SF3B1: variants seen among roughly 807,000 people sequenced by gnomAD.
SF3B1 encodes the protein splicing factor 3b subunit 1, also known as pre-mRNA processing 10.
A neutral mutation model predicts 153.8 loss-of-function variants in SF3B1; 12 were observed. The observed-to-expected ratio is 0.08, with a 90% CI of 0.05 to 0.13. The LOEUF (loss-of-function observed/expected upper bound fraction) is 0.13. Among genes scored for constraint, SF3B1 ranks in the 10% least tolerant of loss-of-function variants. The pLI is 1.00. For missense variants in SF3B1, 513 were observed against 1,606.1 expected (o/e 0.32, Z 11.63); for synonymous variants, 498 against 525.2 (o/e 0.95, Z 0.71).
intron 4 of SF3B1, 26 bp downstream of exon 4, chr2:197,420,402 C>T (rs758578949): frequency 2.2e-5 from 34 of 1,527,854 alleles, no homozygotes; most frequent in Non-Finnish European, 3.0e-5. Context: ...TTTCTGAATA[C>T]TTATAGAAAA....
At chr2:197,418,090 G>A (rs79587976) in intron 5 of SF3B1, among the ~76,000 whole-genome samples, 3,425 of 151,620 alleles carry the variant, frequency 0.023, 120 homozygotes, top group African/African-American at 0.08. Context: ...ACAAAAATTA[G>A]CTAGGCATGG....
chr2:197,407,712 G>A (rs1300030526), intron 9 of SF3B1, among the ~76,000 whole-genome samples: 1 of 151,838 alleles, frequency 6.6e-6, no homozygotes, highest in Non-Finnish European at 1.5e-5. Context: ...ATCTCAACGA[G>A]CTTATTCCTG....
rs2085190643 is a variant in SF3B1, at chr2:197,418,491, G to GGA, written c.495+16_495+17dup. ...ATATTCTTTCACAACCATTAAAACA[G>GGA]GAGACAGGTTTACATACTTCTTCTT... On this transcript the variant is annotated intron_variant, in intron 5 of 24. Transcript: ENST00000335508. 6.4e-7 allele frequency: 1 copy of GGA among 1,566,416 alleles called. No homozygotes were observed. Among genetic ancestry groups the GGA allele is most frequent in the African/African-American group, 1.4e-5 (1 of 73,640 alleles).
chr2:197,410,017 G>A lies in SF3B1; in HGVS notation c.667-10C>T, dbSNP rs1424478098. On this transcript the variant is annotated splice_polypyrimidine_tract_variant and intron_variant, in intron 6 of 24. Transcript: ENST00000335508. ...GAGTATGCCCAGGGGTCTTAAAAAAGCAAAAAAATTTTATTTCACACACCC... is the reference window on the plus strand; with the variant it reads ...GAGTATGCCCAGGGGTCTTAAAAAAACAAAAAAATTTTATTTCACACACCC... 9 of 1,568,302 alleles carry A rather than the reference G, an allele frequency of 5.7e-6. No individual in the cohort carries two copies. The Admixed American group carries it at 9.7e-5, about 17-fold the overall frequency.
intron 1 of SF3B1, among the ~76,000 whole-genome samples, chr2:197,429,801 T>A (rs999273632): frequency 4.7e-5 from 7 of 150,518 alleles, no homozygotes; most frequent in African/African-American, 1.5e-4. Context: ...AAAAAAAAAA[T>A]TTCCTTCCCA....
In SF3B1 at chr2:197,402,462, T is replaced by C. The variant is rs1009722700; in HGVS notation, c.2077+94A>G. 4 of 1,126,538 alleles carry C rather than the reference T, an allele frequency of 3.6e-6. No individual in the cohort carries two copies. The highest frequency in any genetic ancestry group is 5.0e-6 in the Non-Finnish European group (4 of 796,652). The allele number at this position is 1,126,538 out of a possible 1,614,324, so 69.8% of individuals were successfully genotyped here. A position where few individuals can be genotyped will look rare whatever the true frequency, so the allele number is the denominator to read the frequency against. ...TAAGGAGGCTGAGCAGGAGGATCAC[T>C]TGAGCCCAAAGGTTTGAGTCCAGTC... is the stretch of plus-strand genomic sequence containing the variant. On this transcript the variant is annotated intron_variant, in intron 14 of 24. Transcript: ENST00000335508. The surrounding 1 kb of genome is among the most constrained non-coding windows in gnomAD (Gnocchi z 4.6).
At chr2:197,403,083 A>ATG in intron 12 of SF3B1, 48 bp from the exon 13 acceptor site, 2 of 1,309,592 alleles carry the variant, frequency 1.5e-6, no homozygotes, top group Non-Finnish European at 2.2e-6. Context: ...TCAATTACTG[A>ATG]TGAAATGCTC....
chr2:197,407,976 T>C, intron 9 of SF3B1, 22 bp downstream of exon 9: 1 of 1,603,542 alleles, frequency 6.2e-7, no homozygotes, highest in Non-Finnish European at 8.5e-7. Flanking sequence ...AAATACCACC[T>C]CATTCAAATT....
In SF3B1 at chr2:197,425,750, A is replaced by G. The variant is rs1268493557; in HGVS notation, c.29-1776T>C. ...CGCGGTAGCTCACGCATGTCATCCA[A>G]ACACTTTGGAAGGCTGAGGTGGGCG... On this transcript the variant is annotated intron_variant, in intron 1 of 24. Coordinates refer to ENST00000335508, the MANE Select transcript of SF3B1 (RefSeq NM_012433.4). 4.0e-5 allele frequency among the ~76,000 whole-genome samples: 6 copies of G among 151,858 alleles called. No individual in the cohort carries two copies. The East Asian group carries it at 1.2e-3, about 30-fold the overall frequency.
At position 197,408,591 on chromosome 2, in the gene SF3B1, G is replaced by A. The variant is rs1266923534; in HGVS notation, c.905-10C>T. 5.0e-6 allele frequency: 8 copies of A among 1,586,098 alleles called. No homozygotes were observed. Among genetic ancestry groups the A allele is most frequent in the Non-Finnish European group, 6.9e-6 (8 of 1,156,544 alleles). Reference sequence around the variant, plus strand: ...CCATGCCCAGGAGTATCTTTAAAAAGAAAGAGTGAGTAAAACCACAATTTT... The same window carrying A: ...CCATGCCCAGGAGTATCTTTAAAAAAAAAGAGTGAGTAAAACCACAATTTT... On this transcript the variant is annotated splice_polypyrimidine_tract_variant and intron_variant, in intron 7 of 24. Coordinates refer to ENST00000335508, the MANE Select transcript of SF3B1 (RefSeq NM_012433.4).
rs919185023 is a variant in SF3B1 at position 197,397,374 on chromosome 2, T to G, written c.3266+611A>C. Among the ~76,000 whole-genome samples, 6 of 152,236 alleles carry G rather than the reference T, an allele frequency of 3.9e-5. No homozygotes were observed. In the East Asian group the frequency reaches 1.2e-3, roughly 29 times the overall value. ...AGACTAAAAACTTGCCTTAATAGTT[T>G]AAGCAATATCCTAGAAGACCAGCAC... On this transcript the variant is annotated intron_variant, in intron 22 of 24. Coordinates refer to ENST00000335508, the MANE Select transcript of SF3B1 (RefSeq NM_012433.4).
At chr2:197,431,104 CTTTTTTTT>C (rs558644461) in intron 1 of SF3B1, among the ~76,000 whole-genome samples, 259 of 73,730 alleles carry the variant, frequency 3.5e-3, no homozygotes, top group African/African-American at 0.014. Flanking sequence ...GCCTTTTCTT[CTTTTTTTT>C]TTTTTTTTTT....
chr2:197,414,436 G>C (rs1171625339), intron 6 of SF3B1, among the ~76,000 whole-genome samples: 1 of 152,118 alleles, frequency 6.6e-6, no homozygotes, highest in Non-Finnish European at 1.5e-5. Context: ...GAAGAATGAG[G>C]ATCCAGCAAA....
In SF3B1 at chr2:197,401,966, A is replaced by G. The variant is rs761821389; in HGVS notation, c.2223+19T>C. 8 of 1,606,526 alleles carry G rather than the reference A, an allele frequency of 5.0e-6. No homozygotes were observed. The South Asian group carries it at 5.6e-5, about 11-fold the overall frequency. On this transcript the variant is annotated intron_variant, in intron 15 of 24. Transcript: ENST00000335508. This position sits in a 1 kb window ranked among gnomAD's most constrained non-coding sequence, Gnocchi z 4.2. ...TTAACTTTAATGAAGATAAATCAAA[A>G]GGTAATTGGTGGATTTACCTTTCCT...
chr2:197,405,019 T>A (rs2084975333), intron 11 of SF3B1, 57 bp downstream of exon 11: 1 of 1,239,414 alleles, frequency 8.1e-7, no homozygotes, highest in African/African-American at 1.5e-5. Context: ...AACTACAAAT[T>A]TTTTTTAATT....
chr2:197,420,912 A>G (rs770359117), intron 3 of SF3B1, 117 bp downstream of exon 3: 1 of 679,846 alleles, frequency 1.5e-6, no homozygotes, highest in South Asian at 2.1e-5. Flanking sequence ...CCTTTACAAA[A>G]TAAGTTATTA....
intron 8 of SF3B1, 21 bp downstream of exon 8, chr2:197,408,348 T>C: frequency 1.2e-6 from 2 of 1,605,588 alleles, no homozygotes; most frequent in South Asian, 1.1e-5. Context: ...AAAACAATTA[T>C]GTCCAATGAG....
chr2:197,411,808 C>A (rs554594850), intron 6 of SF3B1, among the ~76,000 whole-genome samples: 3 of 151,878 alleles, frequency 2.0e-5, no homozygotes, highest in Non-Finnish European at 4.4e-5. Context: ...TAAAAACATA[C>A]TACTCAGGGC....
chr2:197,396,552 G>C (rs181826754), intron 22 of SF3B1, among the ~76,000 whole-genome samples: 4 of 152,256 alleles, frequency 2.6e-5, no homozygotes, highest in African/African-American at 9.6e-5. Context: ...GAAGATCAGA[G>C]GTCATAGCTG....
Sources: gnomAD v4.1 joint callset for allele counts (sites outside exome capture counted in the v4.1 genomes callset) on GRCh38, gnomAD v4.1.1 for gene constraint, Gnocchi (gnomAD v3.1) non-coding constraint, MANE v1.5 for transcripts, NCBI Gene and HGNC (gene_info 2026-07-23, HGNC 2026-07-21) for gene names.